B3GALT1: variants seen among roughly 807,000 people sequenced by gnomAD.
B3GALT1 encodes the protein beta-1,3-galactosyltransferase 1, also known as UDP-Gal:betaGlcNAc beta 1,3-galactosyltransferase, polypeptide 1.
B3GALT1 carries 10 observed loss-of-function variants against 23.2 expected under a neutral mutation model. The observed-to-expected ratio is 0.43, with a 90% CI of 0.27 to 0.73. The LOEUF is 0.73. Among genes scored for constraint, B3GALT1 ranks in the 30% least tolerant of loss-of-function variants. The probability of loss-of-function intolerance (pLI) is 0.21; values close to 1 mark genes in which losing one functional copy is unlikely to be tolerated. For missense variants in B3GALT1, 299 were observed against 405.4 expected, an observed-to-expected ratio of 0.74 and a Z score of 2.25; for synonymous variants, 156 against 141.5, an observed-to-expected ratio of 1.10 and a Z score of -0.73.
At chr2:167,749,943 T>C (rs1396090769) in intron 3 of B3GALT1, among the ~76,000 whole-genome samples, 1 of 152,232 alleles carries the variant, frequency 6.6e-6, no homozygotes, top group Non-Finnish European at 1.5e-5. Flanking sequence ...GCTCTGCCCT[T>C]TGGCAGTGAT....
chr2:167,565,241 AAAG>A (rs1374621082), intron 2 of B3GALT1, among the ~76,000 whole-genome samples: 2 of 152,218 alleles, frequency 1.3e-5, no homozygotes, highest in Admixed American at 6.5e-5. Flanking sequence ...AACCTGAGAA[AAAG>A]AAGCAATGGG....
chr2:167,825,948 T>C (rs576474359), intron 4 of B3GALT1, among the ~76,000 whole-genome samples: 6 of 152,290 alleles, frequency 3.9e-5, no homozygotes, highest in Admixed American at 1.3e-4. Context: ...TCAGAGCAAA[T>C]GTTACAAATG....
At chr2:167,322,887 A>G (rs1696834734) in intron 1 of B3GALT1, among the ~76,000 whole-genome samples, 3 of 152,172 alleles carry the variant, frequency 2.0e-5, no homozygotes, top group East Asian at 1.9e-4. Context: ...AAAATCTTCA[A>G]TGGTAGAAAT....
chr2:167,446,814 C>T (rs1024228567), intron 1 of B3GALT1, among the ~76,000 whole-genome samples: 3 of 152,004 alleles, frequency 2.0e-5, no homozygotes, highest in African/African-American at 7.3e-5. Flanking sequence ...CGAACATCCT[C>T]CTTTAGCTCA....
intron 1 of B3GALT1, among the ~76,000 whole-genome samples, chr2:167,449,707 C>G (rs934764840): frequency 6.6e-6 from 1 of 152,114 alleles, no homozygotes; most frequent in Non-Finnish European, 1.5e-5. Flanking sequence ...TTTCCTCATT[C>G]AGCATTATTT....
chr2:167,523,613 C>T (rs149664003), intron 2 of B3GALT1, among the ~76,000 whole-genome samples: 28 of 152,048 alleles, frequency 1.8e-4, no homozygotes, highest in African/African-American at 6.5e-4. Flanking sequence ...TTAGTAAAGA[C>T]GGGGTTTCAC....
At chr2:167,723,676 G>A (rs778139272) in intron 3 of B3GALT1, among the ~76,000 whole-genome samples, 1 of 151,942 alleles carries the variant, frequency 6.6e-6, no homozygotes, top group East Asian at 1.9e-4. Context: ...GACTACAGGT[G>A]CATGCCACCA....
rs1900832 is a variant in B3GALT1 at position 167,687,914 on chromosome 2, G to A, written c.-352+40948G>A. 8.1e-3 allele frequency among the ~76,000 whole-genome samples: 1,234 copies of A among 152,044 alleles called. 18 individuals are homozygous for A. The highest frequency in any genetic ancestry group is 0.028 in the African/African-American group (1,180 of 41,476). Reference sequence around the variant, plus strand: ...ATTATTGCAGATAGTTTAAGGTACCGAGAGTCAAAAATAGAAATCGTCCAA... The same window carrying A: ...ATTATTGCAGATAGTTTAAGGTACCAAGAGTCAAAAATAGAAATCGTCCAA... On this transcript the variant is annotated intron_variant, in intron 3 of 4. Transcript: ENST00000392690.
chr2:167,513,695 T>G (rs1700061814), intron 2 of B3GALT1, among the ~76,000 whole-genome samples: 1 of 152,158 alleles, frequency 6.6e-6, no homozygotes, highest in African/African-American at 2.4e-5. Context: ...AACTTATGTG[T>G]AAGATATGGG....
chr2:167,463,788 A>C (rs1177845438), intron 1 of B3GALT1, among the ~76,000 whole-genome samples: 1 of 152,230 alleles, frequency 6.6e-6, no homozygotes, highest in African/African-American at 2.4e-5. Context: ...GAATAAACTG[A>C]GTAATATAGA....
chr2:167,833,391 A>T (rs1689390817), intron 4 of B3GALT1, among the ~76,000 whole-genome samples: 1 of 152,228 alleles, frequency 6.6e-6, no homozygotes. Context: ...TAATTTAACA[A>T]AAACAAAAAT....
intron 2 of B3GALT1, among the ~76,000 whole-genome samples, chr2:167,598,014 T>G (rs1055742821): frequency 2.6e-5 from 4 of 152,218 alleles, no homozygotes; most frequent in African/African-American, 9.6e-5. Context: ...TTTCACCATG[T>G]ACTTACCAAT....
At chr2:167,509,620 T>G (rs1341079823) in intron 2 of B3GALT1, among the ~76,000 whole-genome samples, 1 of 152,168 alleles carries the variant, frequency 6.6e-6, no homozygotes, top group Non-Finnish European at 1.5e-5. Context: ...AAACAAGCCA[T>G]GCAGAAATCC....
chr2:167,806,912 C>T (rs906854841), intron 3 of B3GALT1, among the ~76,000 whole-genome samples: 4 of 152,184 alleles, frequency 2.6e-5, no homozygotes, highest in Admixed American at 2.0e-4. Flanking sequence ...CCTTGTACCT[C>T]TGGTAGAATT....
chr2:167,494,482 C>T (rs958811442), intron 2 of B3GALT1, among the ~76,000 whole-genome samples: 4 of 151,848 alleles, frequency 2.6e-5, no homozygotes, highest in Admixed American at 6.6e-5. Context: ...TATGACAACA[C>T]GTAAGAAGTA....
intron 3 of B3GALT1, among the ~76,000 whole-genome samples, chr2:167,689,157 A>T (rs1686669065): frequency 6.9e-6 from 1 of 143,970 alleles, no homozygotes; most frequent in African/African-American, 2.6e-5. Flanking sequence ...AAAAAAAAAA[A>T]AATCCTTGAA....
intron 3 of B3GALT1, among the ~76,000 whole-genome samples, chr2:167,696,272 C>T (rs1326141296): frequency 8.4e-6 from 1 of 118,988 alleles, no homozygotes; most frequent in Admixed American, 1.1e-4. Flanking sequence ...AATTATTTAA[C>T]ATCTTAGTCT....
intron 3 of B3GALT1, among the ~76,000 whole-genome samples, chr2:167,775,608 T>C (rs1435335724): frequency 6.7e-6 from 1 of 148,546 alleles, no homozygotes; most frequent in Non-Finnish European, 1.5e-5. Flanking sequence ...CATAATGAAA[T>C]GGTTATGATG....
chr2:167,545,606 C>T (rs116692175), intron 2 of B3GALT1, among the ~76,000 whole-genome samples: 5,990 of 152,174 alleles, frequency 0.039, 226 homozygotes, highest in African/African-American at 0.099. Flanking sequence ...CCACCTAGTC[C>T]CTCAATGGCA....
Sources: gnomAD v4.1 joint callset for allele counts (sites outside exome capture counted in the v4.1 genomes callset) on GRCh38, gnomAD v4.1.1 for gene constraint, MANE v1.5 for transcripts, NCBI Gene and HGNC (gene_info 2026-07-23, HGNC 2026-07-21) for gene names.